Variants in NDE1 observed in about 807,000 individuals in gnomAD.
The protein encoded by NDE1 is nudE neurodevelopment protein 1, also known as nuclear distribution protein nudE homolog 1.
In NDE1, 28 loss-of-function variants were observed where a neutral mutation model predicts 43.4. The observed-to-expected ratio is 0.65, with a 90% CI of 0.48 to 0.89. The LOEUF is 0.89. Among genes scored for constraint, NDE1 ranks in the 40% least tolerant of loss-of-function variants. The pLI, the probability that NDE1 is intolerant of heterozygous loss-of-function variation, is 0.00. For missense variants in NDE1, 441 were observed against 434.1 expected (o/e 1.02, Z -0.14); for synonymous variants, 184 against 172.0 (o/e 1.07, Z -0.55).
At chr16:15,669,254 C>G (rs900047217) in intron 3 of NDE1, among the ~76,000 whole-genome samples, 8 of 151,414 alleles carry the variant, frequency 5.3e-5, no homozygotes, top group African/African-American at 1.9e-4. Context: ...AGTGCAGTGG[C>G]ACAATCTCAC....
rs776016983 is a variant in NDE1 at position 15,717,248 on chromosome 16, C to T, written c.948-6943C>T. The stretch of plus-strand genomic sequence containing the variant: ...GGCCCCCTCCATCTCGTGGAGCTTG[C>T]TCCGGAGCTCCTTGTTCTGCCGCTC... On this transcript the variant is annotated intron_variant, in intron 8 of 8. Coordinates refer to ENST00000396354, the MANE Select transcript of NDE1 (RefSeq NM_017668.3). The T allele has an allele frequency of 1.9e-5, 31 of 1,614,188 alleles. No individual in the cohort carries two copies. The highest frequency in any genetic ancestry group is 2.5e-5 in the Non-Finnish European group (29 of 1,180,050).
At chr16:15,690,353 C>CTTTTTTTTTTTTTT (rs869069843) in intron 5 of NDE1, among the ~76,000 whole-genome samples, 36 of 80,958 alleles carry the variant, frequency 4.4e-4, no homozygotes, top group African/African-American at 1.4e-3. Context: ...TTTTTTTTTT[C>CTTTTTTTTTTTTTT]TTTTTTTTTT....
chr16:15,685,532 T>C (rs568079444), intron 4 of NDE1, among the ~76,000 whole-genome samples: 4 of 152,320 alleles, frequency 2.6e-5, no homozygotes, highest in Non-Finnish European at 4.4e-5. Flanking sequence ...ATTATAGGCA[T>C]GAACCACTGT....
At chr16:15,717,011 C>T in intron 8 of NDE1, 1 of 1,007,708 alleles carries the variant, frequency 9.9e-7, no homozygotes, top group Non-Finnish European at 1.6e-6. Context: ...CATACCTGCA[C>T]TGTAGGCATC....
chr16:15,658,259 A>G (rs572601881), intron 1 of NDE1, among the ~76,000 whole-genome samples: 6 of 152,360 alleles, frequency 3.9e-5, no homozygotes, highest in Admixed American at 3.3e-4. Context: ...TTTGACAGCT[A>G]TGCAAAAGGT....
intron 8 of NDE1, among the ~76,000 whole-genome samples, chr16:15,711,620 T>C (rs1001863426): frequency 4.6e-5 from 7 of 152,086 alleles, no homozygotes; most frequent in African/African-American, 1.7e-4. Context: ...GCTGTGGTGG[T>C]ATGAGAATGA....
chr16:15,666,468 G>A (rs1453239207), intron 2 of NDE1, among the ~76,000 whole-genome samples: 1 of 152,106 alleles, frequency 6.6e-6, no homozygotes, highest in Non-Finnish European at 1.5e-5. Flanking sequence ...AAATTAGCAG[G>A]CATGGTGGCA....
chr16:15,658,374 G>T (rs116683992), intron 1 of NDE1, among the ~76,000 whole-genome samples: 1 of 152,308 alleles, frequency 6.6e-6, no homozygotes, highest in African/African-American at 2.4e-5. Context: ...TGAGCATGGG[G>T]GTTAGGCTCA....
chr16:15,702,709 A>G (rs1452996140), intron 8 of NDE1, among the ~76,000 whole-genome samples: 3 of 152,064 alleles, frequency 2.0e-5, no homozygotes, highest in Non-Finnish European at 2.9e-5. Context: ...CCCAGCCACC[A>G]TCTGACGTTT....
intron 8 of NDE1, chr16:15,713,408 A>AAAGTGAAAAGCAGCAG (rs897533042): frequency 2.0e-5 from 3 of 152,228 alleles, no homozygotes; most frequent in African/African-American, 7.2e-5. Flanking sequence ...GTTCAAAGAA[A>AAAGTGAAAAGCAGCAG]AAGTGAAAAG....
At chr16:15,707,537 C>A (rs1034272372) in intron 8 of NDE1, among the ~76,000 whole-genome samples, 1 of 152,174 alleles carries the variant, frequency 6.6e-6, no homozygotes, top group African/African-American at 2.4e-5. Context: ...TCTGCTCCCC[C>A]ACAAAACTGG....
rs370240337 is a variant in NDE1, at chr16:15,721,597, G to A, written c.948-2594G>A. On this transcript the variant is annotated intron_variant, in intron 8 of 8. Coordinates refer to ENST00000396354, the MANE Select transcript of NDE1 (RefSeq NM_017668.3). Reference sequence around the variant, plus strand: ...TGCCTCAGCTCTGTCCCTCTCATCCGCGTATTTGGAAGAGATGTTTTTCTC... The same window carrying A: ...TGCCTCAGCTCTGTCCCTCTCATCCACGTATTTGGAAGAGATGTTTTTCTC... The A allele has an allele frequency of 3.5e-5, 57 of 1,614,012 alleles. No individual in the cohort carries two copies. Among genetic ancestry groups the A allele is most frequent in the South Asian group, 1.1e-4 (10 of 91,086 alleles).
chr16:15,717,071 G>T, intron 8 of NDE1: 1 of 1,526,402 alleles, frequency 6.6e-7, no homozygotes, highest in Non-Finnish European at 9.1e-7. Context: ...GAGGTTCCCT[G>T]ACTTCACTAT....
intron 4 of NDE1, among the ~76,000 whole-genome samples, chr16:15,678,623 G>C (rs951712617): frequency 1.3e-5 from 2 of 152,106 alleles, no homozygotes; most frequent in Non-Finnish European, 2.9e-5. Context: ...TTACAGGTGT[G>C]AGCCACTGCG....
At chr16:15,656,076 A>G (rs1220148495) in intron 1 of NDE1, among the ~76,000 whole-genome samples, 1 of 151,722 alleles carries the variant, frequency 6.6e-6, no homozygotes, top group African/African-American at 2.4e-5. Context: ...ACATGTATAC[A>G]TATGTAACTA....
At chr16:15,661,000 C>G (rs189507517) in intron 1 of NDE1, among the ~76,000 whole-genome samples, 1 of 152,134 alleles carries the variant, frequency 6.6e-6, no homozygotes, top group African/African-American at 2.4e-5. Context: ...GCTATAGACG[C>G]ATGACTTTCA....
intron 1 of NDE1, among the ~76,000 whole-genome samples, chr16:15,657,027 C>A (rs900730748): frequency 6.6e-6 from 1 of 151,968 alleles, no homozygotes; most frequent in Admixed American, 6.6e-5. Flanking sequence ...CACTTCCGCA[C>A]TTTATTGTAT....
chr16:15,716,486 G>A (rs761574311), intron 8 of NDE1, among the ~76,000 whole-genome samples: 6 of 152,074 alleles, frequency 3.9e-5, no homozygotes, highest in Non-Finnish European at 8.8e-5. Flanking sequence ...GTACCAAATG[G>A]GCTGCCGGTT....
At chr16:15,684,515 C>T (rs1325723410) in intron 4 of NDE1, 1 of 151,128 alleles carries the variant, frequency 6.6e-6, no homozygotes, top group Admixed American at 6.6e-5. Flanking sequence ...ATCATTTGAA[C>T]CCCGGAGGCA....
Sources: allele counts gnomAD v4.1 joint callset (sites outside exome capture counted in the v4.1 genomes callset), GRCh38; gene constraint gnomAD v4.1.1; transcripts MANE v1.5; gene names NCBI Gene and HGNC (gene_info 2026-07-23, HGNC 2026-07-21).